The following TASP1 variants were observed in gnomAD, a reference collection of about 807,000 sequenced individuals.
The protein encoded by TASP1 is taspase 1.
Under a neutral mutation model 56.6 loss-of-function variants are expected in TASP1, and 16 were observed. The observed-to-expected ratio is 0.28, with a 90% confidence interval of 0.19 to 0.43. The LOEUF (loss-of-function observed/expected upper bound fraction) is 0.43. TASP1 is among the 20% of genes least tolerant of loss of function. The probability of loss-of-function intolerance (pLI) is 1.00; values close to 1 mark genes in which losing one functional copy is unlikely to be tolerated. For synonymous variants in TASP1, 179 were observed against 184.2 expected, an observed-to-expected ratio of 0.97 and a Z score of 0.23; for missense variants, 393 against 511.6, an observed-to-expected ratio of 0.77 and a Z score of 2.24.
Position 13,549,164 on chromosome 20 carries a change from T to C in TASP1, c.675+9844A>G, listed in dbSNP as rs59419229. 8.4e-3 allele frequency among the ~76,000 whole-genome samples: 1,281 copies of C among 152,226 alleles called. 15 individuals are homozygous for C. Among genetic ancestry groups the C allele is most frequent in the African/African-American group, 0.029 (1,215 of 41,530 alleles). ...AGTCTCTGGACTGGCTTATAATAGA[T>C]CTAGATACAACTCTTGACCCTTTAT... On this transcript the variant is annotated intron_variant, in intron 8 of 13. Coordinates refer to ENST00000337743, the MANE Select transcript of TASP1 (RefSeq NM_017714.3).
intron 11 of TASP1, among the ~76,000 whole-genome samples, chr20:13,458,717 G>A (rs1415155478): frequency 6.6e-6 from 1 of 152,058 alleles, no homozygotes; most frequent in African/African-American, 2.4e-5. Context: ...ATCCAGCTGG[G>A]CTCCATCCCA....
chr20:13,131,303 G>T, the TASP1 span, among the ~76,000 whole-genome samples: 1 of 152,174 alleles, frequency 6.6e-6, no homozygotes, highest in Non-Finnish European at 1.5e-5. Context: ...GAGTTTGTAT[G>T]ATGTGGCTAA....
the TASP1 span, among the ~76,000 whole-genome samples, chr20:13,295,704 A>G: frequency 6.6e-6 from 1 of 152,230 alleles, no homozygotes; most frequent in Non-Finnish European, 1.5e-5. Flanking sequence ...CCTGACTCCT[A>G]CAAAAGAAGA....
At chr20:13,553,388 A>T (rs36120498) in intron 8 of TASP1, among the ~76,000 whole-genome samples, 1 of 152,222 alleles carries the variant, frequency 6.6e-6, no homozygotes, top group Non-Finnish European at 1.5e-5. Flanking sequence ...CTGTCTGTAT[A>T]CCATAAAAAT....
intron 9 of TASP1, among the ~76,000 whole-genome samples, chr20:13,528,961 T>G (rs1681646665): frequency 6.6e-6 from 1 of 152,164 alleles, no homozygotes; most frequent in Non-Finnish European, 1.5e-5. Flanking sequence ...GACCTAGGAA[T>G]CAGTACTGTT....
chr20:13,540,376 C>T (rs1388988677), intron 8 of TASP1, among the ~76,000 whole-genome samples: 1 of 152,176 alleles, frequency 6.6e-6, no homozygotes, highest in African/African-American at 2.4e-5. Flanking sequence ...TATGACCCAA[C>T]AATGAAATTC....
intron 9 of TASP1, among the ~76,000 whole-genome samples, chr20:13,529,061 T>C (rs377337008): frequency 6.6e-5 from 10 of 152,242 alleles, no homozygotes; most frequent in Middle Eastern, 3.4e-3. Flanking sequence ...CATGTCTGTG[T>C]TGACGTGGCA....
chr20:13,212,055 A>G, the TASP1 span, among the ~76,000 whole-genome samples: 2 of 152,140 alleles, frequency 1.3e-5, no homozygotes, highest in Non-Finnish European at 2.9e-5. Context: ...AGATAATTCT[A>G]TGTGGAAACA....
chr20:13,448,808 C>T (rs967803897), intron 11 of TASP1, among the ~76,000 whole-genome samples: 1 of 151,942 alleles, frequency 6.6e-6, no homozygotes, highest in Non-Finnish European at 1.5e-5. Flanking sequence ...ATCCATAATA[C>T]TCCAAGAAAA....
chr20:13,344,906 A>C, the TASP1 span, among the ~76,000 whole-genome samples: 1 of 152,146 alleles, frequency 6.6e-6, no homozygotes, highest in African/African-American at 2.4e-5. Context: ...CTCTGGCTTG[A>C]AGCACATCGA....
intron 13 of TASP1, 65 bp from the exon 14 acceptor site, chr20:13,390,517 C>G: frequency 6.8e-7 from 1 of 1,462,544 alleles, no homozygotes; most frequent in Admixed American, 1.7e-5. Context: ...ACACCCCTAC[C>G]CGTGTCCAAA....
the TASP1 span, among the ~76,000 whole-genome samples, chr20:13,254,106 G>A: frequency 6.6e-6 from 1 of 150,646 alleles, no homozygotes; most frequent in African/African-American, 2.4e-5. Flanking sequence ...GGTGGTACAT[G>A]CCTGTAATCC....
At chr20:13,185,152 G>T in the TASP1 span, among the ~76,000 whole-genome samples, 1 of 152,064 alleles carries the variant, frequency 6.6e-6, no homozygotes, top group South Asian at 2.1e-4. Context: ...TGTTAAATTT[G>T]AACAGCAATA....
At chr20:13,222,012 C>T in the TASP1 span, 1 of 1,106,426 alleles carries the variant, frequency 9.0e-7, no homozygotes, top group Middle Eastern at 3.4e-4. Flanking sequence ...GAGGCAGGTC[C>T]CCTGCCCCAC....
At chr20:13,275,814 T>C in the TASP1 span, among the ~76,000 whole-genome samples, 1 of 152,154 alleles carries the variant, frequency 6.6e-6, no homozygotes, top group East Asian at 1.9e-4. Flanking sequence ...AAAAAATTAA[T>C]TGGGAATCAG....
chr20:13,495,407 C>T (rs1216905962), intron 10 of TASP1, among the ~76,000 whole-genome samples: 1 of 152,140 alleles, frequency 6.6e-6, no homozygotes, highest in Non-Finnish European at 1.5e-5. Context: ...TTATCCCTTT[C>T]TCTATTCAAT....
the TASP1 span, chr20:13,168,088 T>C: frequency 6.6e-6 from 1 of 152,140 alleles, no homozygotes; most frequent in Non-Finnish European, 1.5e-5. Flanking sequence ...CTGCGATTCA[T>C]TTGGGTAAAA....
intron 4 of TASP1, among the ~76,000 whole-genome samples, chr20:13,601,687 G>A (rs982875168): frequency 6.6e-6 from 1 of 151,966 alleles, no homozygotes; most frequent in East Asian, 1.9e-4. Flanking sequence ...TATATGTGTA[G>A]AGGGAAAAAA....
chr20:13,436,341 G>C (rs1378928632), intron 11 of TASP1, among the ~76,000 whole-genome samples: 1 of 146,582 alleles, frequency 6.8e-6, no homozygotes, highest in Admixed American at 6.7e-5. Flanking sequence ...GTTTTTAAAG[G>C]GTTGTTTTAA....
Sources: gnomAD v4.1 joint callset for allele counts (sites outside exome capture counted in the v4.1 genomes callset) on GRCh38, gnomAD v4.1.1 for gene constraint, MANE v1.5 for transcripts, NCBI Gene and HGNC (gene_info 2026-07-23, HGNC 2026-07-21) for gene names.